CIT: variants seen among roughly 807,000 people sequenced by gnomAD.
CIT encodes citron rho-interacting serine/threonine kinase.
In CIT, 79 loss-of-function variants were observed where a neutral mutation model predicts 272.7. The observed-to-expected ratio is 0.29, with a 90% CI of 0.24 to 0.35. The LOEUF is 0.35. Among genes scored for constraint, CIT ranks in the 10% least tolerant of loss-of-function variants. The pLI is 1.00. For synonymous variants in CIT, 948 were observed against 995.6 expected (o/e 0.95, Z 0.90); for missense variants, 1,909 against 2,618.3 (o/e 0.73, Z 5.91).
At chr12:119,857,293 G>A (rs911646466) in intron 4 of CIT, among the ~76,000 whole-genome samples, 2 of 152,154 alleles carry the variant, frequency 1.3e-5, no homozygotes, top group African/African-American at 4.8e-5. Context: ...AAATTACAAC[G>A]ATAGAAACAT....
At chr12:119,753,224 C>T (rs1280523408) in intron 22 of CIT, among the ~76,000 whole-genome samples, 5 of 152,118 alleles carry the variant, frequency 3.3e-5, no homozygotes, top group East Asian at 3.9e-4. Flanking sequence ...GAACACACTG[C>T]GATGAGCTAT....
rs562704541 is a variant in CIT at position 119,770,261 on chromosome 12, AAAT to A, written c.2208+521_2208+523del. ...CCTGCTATATCTAAGGAAATTGAAA[AAAT>A]AATAATAATAATAACCAACTGTAGC... On this transcript the variant is annotated intron_variant, in intron 18 of 47. Transcript: ENST00000392521. This position sits in a 1 kb window ranked among gnomAD's most constrained non-coding sequence, Gnocchi z 4.4. 2.6e-5 allele frequency among the ~76,000 whole-genome samples: 4 copies of A among 152,122 alleles called. No homozygotes were observed. Among genetic ancestry groups the A allele is most frequent in the African/African-American group, 9.7e-5 (4 of 41,434 alleles).
Position 119,757,404 on chromosome 12 carries a change from A to G in CIT, c.2673T>C (p.Asn891=), listed in dbSNP as rs1282569450. Residue 891 remains asparagine, a synonymous_variant, in exon 22 of 48, where the codon AAT becomes AAC. Coordinates refer to ENST00000392521, the MANE Select transcript of CIT (RefSeq NM_001206999.2). Reference sequence around the variant, plus strand: ...ATCTTGTCTCCAGTTCCAGCAGCCGATTCTTGTCACTGTGGTCTTGGTGGC... The same window carrying G: ...ATCTTGTCTCCAGTTCCAGCAGCCGGTTCTTGTCACTGTGGTCTTGGTGGC... ...KISHQDHSDK[N]RLLELETRLR... The G allele has an allele frequency of 1.9e-6, 3 of 1,613,868 alleles. No homozygotes were observed. The highest frequency in any genetic ancestry group is 2.5e-6 in the Non-Finnish European group (3 of 1,179,984).
rs1593443819 is a variant in CIT at position 119,713,837 on chromosome 12, G to A, written c.4307-189C>T. 7.7e-6 allele frequency: 5 copies of A among 650,248 alleles called. No homozygotes were observed. In the East Asian group the frequency reaches 1.4e-4, roughly 18 times the overall value. The allele number at this position is 650,248 out of a possible 1,614,324, so 40.3% of individuals were successfully genotyped here. On this transcript the variant is annotated intron_variant, in intron 33 of 47. Coordinates refer to ENST00000392521, the MANE Select transcript of CIT (RefSeq NM_001206999.2). The surrounding 1 kb of genome is among the most constrained non-coding windows in gnomAD (Gnocchi z 5.2). ...CAGAAAGGGAAAACAAAAGTGCCAAGTGCTCTTGACCCAGTTTTCCAGGCT... is the reference window on the plus strand; with the variant it reads ...CAGAAAGGGAAAACAAAAGTGCCAAATGCTCTTGACCCAGTTTTCCAGGCT...
chr12:119,825,175 A>G lies in CIT; in HGVS notation c.947T>C (p.Met316Thr), dbSNP rs149407793. The G allele has an allele frequency of 7.3e-5, 118 of 1,612,930 alleles. 2 individuals are homozygous for G. In the East Asian group the frequency reaches 2.5e-3, roughly 35 times the overall value. The change falls in exon 8 of 48, where the codon ATG becomes ACG. Residue 316 changes from methionine to threonine, a missense_variant. By Grantham distance (81) the Met-to-Thr change is moderately conservative. Coordinates refer to ENST00000392521, the MANE Select transcript of CIT (RefSeq NM_001206999.2). The part of the protein sequence containing the change: ...GTSARTFNNI[M>T]NFQRFLKFPD... Reference sequence around the variant, plus strand: ...CTAAGGACTCTTTACCTGGAAATTCATAATGTTATTGAAGGTTCTGGCAGA... The same window carrying G: ...CTAAGGACTCTTTACCTGGAAATTCGTAATGTTATTGAAGGTTCTGGCAGA...
intron 20 of CIT, among the ~76,000 whole-genome samples, chr12:119,760,575 C>T (rs1015108948): frequency 4.6e-5 from 7 of 150,720 alleles, no homozygotes; most frequent in Non-Finnish European, 8.8e-5. Context: ...TGCAGTGAGC[C>T]ATGATTGCAC....
intron 27 of CIT, among the ~76,000 whole-genome samples, chr12:119,729,828 T>C (rs566247521): frequency 1.3e-5 from 2 of 152,362 alleles, no homozygotes; most frequent in South Asian, 4.1e-4. Flanking sequence ...TGTATGTGCA[T>C]GAAAAAGAGT....
intron 25 of CIT, 80 bp downstream of exon 25, chr12:119,735,080 C>G: frequency 7.2e-7 from 1 of 1,386,138 alleles, no homozygotes; most frequent in East Asian, 2.3e-5. Context: ...TGTTGGAACC[C>G]TTGGGAGAAC....
intron 23 of CIT, among the ~76,000 whole-genome samples, chr12:119,745,387 A>AAAAAAAAAAAAAAC (rs1959218998): frequency 7.0e-6 from 1 of 143,694 alleles, no homozygotes; most frequent in Non-Finnish European, 1.5e-5. Flanking sequence ...AAAAAAAAAA[A>AAAAAAAAAAAAAAC]AAAAAAAAAA....
chr12:119,734,400 G>T, intron 25 of CIT, 43 bp from the exon 26 acceptor site: 1 of 1,589,996 alleles, frequency 6.3e-7, no homozygotes, highest in Middle Eastern at 1.7e-4. Flanking sequence ...CTTTAAACAA[G>T]GATTTCCTGG....
intron 6 of CIT, among the ~76,000 whole-genome samples, chr12:119,833,540 C>T (rs1566104528): frequency 6.6e-6 from 1 of 151,856 alleles, no homozygotes; most frequent in Non-Finnish European, 1.5e-5. Context: ...CGGTGCGTGC[C>T]TGTAATTCCA....
At chr12:119,781,421 C>T (rs1276271790) in intron 13 of CIT, among the ~76,000 whole-genome samples, 7 of 152,160 alleles carry the variant, frequency 4.6e-5, no homozygotes, top group Admixed American at 3.9e-4. Context: ...GCATTAGCTC[C>T]AGCCAGATGG....
rs1164976587 is a variant in CIT at position 119,735,205 on chromosome 12, G to A, written c.3111C>T (p.Arg1037=). 4.3e-6 allele frequency: 7 copies of A among 1,614,104 alleles called. No homozygotes were observed. The South Asian group carries it at 7.7e-5, about 18-fold the overall frequency. Reference sequence around the variant, plus strand: ...GCATCTCTCGTTCCGTGATCTCCCGGCGGAGATGGTCCACTTCACTTCGCA... The same window carrying A: ...GCATCTCTCGTTCCGTGATCTCCCGACGGAGATGGTCCACTTCACTTCGCA... ...VQLRSEVDHL[R]REITEREMQL... The change falls in exon 25 of 48, where the codon CGC becomes CGT. Residue 1037 remains arginine (R), a synonymous_variant. Coordinates refer to ENST00000392521, the MANE Select transcript of CIT (RefSeq NM_001206999.2).
intron 17 of CIT, 39 bp downstream of exon 17, chr12:119,772,731 C>T (rs376156493): frequency 6.4e-6 from 10 of 1,572,730 alleles, no homozygotes; most frequent in South Asian, 1.2e-5. Context: ...AGCCAAAGGC[C>T]GAGGCCGCTG....
At chr12:119,765,097 C>G (rs1294767132) in intron 19 of CIT, among the ~76,000 whole-genome samples, 3 of 152,080 alleles carry the variant, frequency 2.0e-5, no homozygotes, top group East Asian at 1.9e-4. Flanking sequence ...CGTGAACCAC[C>G]GCACCCAGCC....
intron 10 of CIT, among the ~76,000 whole-genome samples, chr12:119,790,201 A>G (rs1438696439): frequency 6.6e-6 from 1 of 152,072 alleles, no homozygotes; most frequent in East Asian, 1.9e-4. Flanking sequence ...TTATAATAAT[A>G]TTACATACAT....
In CIT at chr12:119,690,119, A is replaced by G. The variant is rs1955850273; in HGVS notation, c.6186+32T>C. On this transcript the variant is annotated intron_variant, in intron 47 of 47. Transcript: ENST00000392521. This position sits in a 1 kb window ranked among gnomAD's most constrained non-coding sequence, Gnocchi z 6.0. ...CCCCAAGTCACTCCTGGCCTCCGCA[A>G]CAGACACACAGGCCTCGGAATGCTG... is the stretch of plus-strand genomic sequence containing the variant. 6.9e-7 allele frequency: 1 copy of G among 1,442,776 alleles called. No individual in the cohort carries two copies. 89.4% of individuals were successfully genotyped at this position (1,442,776 alleles called of 1,614,324 possible).
intron 41 of CIT, among the ~76,000 whole-genome samples, chr12:119,703,062 C>G (rs1017396854): frequency 1.3e-5 from 2 of 152,178 alleles, no homozygotes; most frequent in African/African-American, 4.8e-5. Context: ...GCTAACAGTT[C>G]AAATTCTAGT....
At chr12:119,865,864 CAAAA>C (rs11366591) in intron 3 of CIT, among the ~76,000 whole-genome samples, 7 of 91,418 alleles carry the variant, frequency 7.7e-5, no homozygotes, top group Admixed American at 2.5e-4. Context: ...AGCAAGACTC[CAAAA>C]AAAAAAAAAA....
Sources: gnomAD v4.1 joint callset for allele counts (sites outside exome capture counted in the v4.1 genomes callset) on GRCh38, gnomAD v4.1.1 for gene constraint, Gnocchi (gnomAD v3.1) non-coding constraint, MANE v1.5 for transcripts, NCBI Gene and HGNC (gene_info 2026-07-23, HGNC 2026-07-21) for gene names.